Variants in SPOCK3 observed in about 807,000 individuals in gnomAD.
SPOCK3 encodes the protein SPARC (osteonectin), cwcv and kazal like domains proteoglycan 3.
In SPOCK3, 30 loss-of-function variants were observed where a neutral mutation model predicts 56.6. The observed-to-expected ratio is 0.53, with a 90% CI of 0.40 to 0.72. The LOEUF (loss-of-function observed/expected upper bound fraction) is 0.72, where lower values mean the gene tolerates loss of function less well. Among genes scored for constraint, SPOCK3 ranks in the 30% least tolerant of loss-of-function variants. The pLI, the probability that SPOCK3 is intolerant of heterozygous loss-of-function variation, is 0.00. For missense variants in SPOCK3, 527 were observed against 530.0 expected, an observed-to-expected ratio of 0.99 and a Z score of 0.06; for synonymous variants, 196 against 183.3, an observed-to-expected ratio of 1.07 and a Z score of -0.56.
At chr4:167,098,372 A>G (rs1019235075) in intron 2 of SPOCK3, among the ~76,000 whole-genome samples, 1 of 151,772 alleles carries the variant, frequency 6.6e-6, no homozygotes, top group Non-Finnish European at 1.5e-5. Flanking sequence ...TCACTCTCCA[A>G]CAATTTTTCT....
chr4:166,954,106 C>A (rs1362029741), intron 4 of SPOCK3, among the ~76,000 whole-genome samples: 2 of 151,984 alleles, frequency 1.3e-5, no homozygotes, highest in African/African-American at 2.4e-5. Flanking sequence ...AATATCTATT[C>A]AAGTATATTG....
intron 2 of SPOCK3, among the ~76,000 whole-genome samples, chr4:167,144,615 A>G (rs1379110891): frequency 6.6e-6 from 1 of 151,770 alleles, no homozygotes; most frequent in Admixed American, 6.6e-5. Context: ...GATATGGAGA[A>G]GGGAGAAAGT....
intron 2 of SPOCK3, among the ~76,000 whole-genome samples, chr4:167,116,897 TTTTG>T (rs1183221264): frequency 3.5e-4 from 35 of 99,404 alleles, no homozygotes; most frequent in Non-Finnish European, 4.9e-4. Flanking sequence ...ACATATATAC[TTTTG>T]TGTGTGTGTG....
intron 3 of SPOCK3, among the ~76,000 whole-genome samples, chr4:167,014,603 T>G (rs1173701740): frequency 6.6e-6 from 1 of 152,128 alleles, no homozygotes; most frequent in African/African-American, 2.4e-5. Flanking sequence ...TGCAGTGAGC[T>G]ATGATAATAC....
chr4:166,821,761 C>G (rs1318763503), intron 6 of SPOCK3, among the ~76,000 whole-genome samples: 3 of 151,954 alleles, frequency 2.0e-5, no homozygotes, highest in Non-Finnish European at 4.4e-5. Context: ...TTAACAATGT[C>G]TACAAATAAG....
chr4:166,783,137 T>C (rs1013603028), intron 7 of SPOCK3, among the ~76,000 whole-genome samples: 2 of 152,288 alleles, frequency 1.3e-5, no homozygotes, highest in East Asian at 3.9e-4. Context: ...GGTGAGTGCA[T>C]CACTTGAGGT....
At chr4:166,940,352 C>T (rs897412379) in intron 4 of SPOCK3, among the ~76,000 whole-genome samples, 6 of 152,028 alleles carry the variant, frequency 3.9e-5, no homozygotes, top group African/African-American at 7.2e-5. Context: ...TACCGAAGTC[C>T]GCGACAGAGA....
chr4:166,874,570 G>A (rs1732882005), intron 6 of SPOCK3, among the ~76,000 whole-genome samples: 1 of 152,166 alleles, frequency 6.6e-6, no homozygotes, highest in African/African-American at 2.4e-5. Flanking sequence ...GCATGTAATT[G>A]CTAATCTCCT....
chr4:166,768,190 T>C (rs1227289560), intron 7 of SPOCK3, among the ~76,000 whole-genome samples: 1 of 152,166 alleles, frequency 6.6e-6, no homozygotes, highest in Non-Finnish European at 1.5e-5. Context: ...CCATTTACTT[T>C]TAAGATTAAT....
At chr4:167,155,736 G>C (rs1255429782) in intron 2 of SPOCK3, among the ~76,000 whole-genome samples, 2 of 152,030 alleles carry the variant, frequency 1.3e-5, no homozygotes, top group Admixed American at 6.6e-5. Flanking sequence ...AAATAGCAGG[G>C]AGAAAAATAT....
At chr4:166,840,020 T>C (rs1377132797) in intron 6 of SPOCK3, among the ~76,000 whole-genome samples, 1 of 152,262 alleles carries the variant, frequency 6.6e-6, no homozygotes, top group Admixed American at 6.5e-5. Flanking sequence ...TTGCTAACTA[T>C]CACAAGAACT....
chr4:166,847,647 T>TTATA (rs147015731), intron 6 of SPOCK3, among the ~76,000 whole-genome samples: 3,454 of 55,156 alleles, frequency 0.063, 258 homozygotes, highest in Middle Eastern at 0.1. Flanking sequence ...AAATCCTAGT[T>TTATA]TATATATATA....
chr4:166,841,117 G>C (rs1029987880), intron 6 of SPOCK3, among the ~76,000 whole-genome samples: 1 of 151,900 alleles, frequency 6.6e-6, no homozygotes, highest in Non-Finnish European at 1.5e-5. Flanking sequence ...GTGATTCTTT[G>C]AGAGGAAAGA....
At chr4:167,208,720 T>A (rs1734585569) in intron 2 of SPOCK3, among the ~76,000 whole-genome samples, 1 of 152,136 alleles carries the variant, frequency 6.6e-6, no homozygotes. Flanking sequence ...TACATGTAGA[T>A]CTGCTAAAAA....
In SPOCK3 at chr4:167,233,968, G is replaced by A; in HGVS notation, c.189+17C>T. On this transcript the variant is annotated intron_variant, in intron 2 of 10. Coordinates refer to ENST00000357545, the MANE Select transcript of SPOCK3 (RefSeq NM_001040159.2). The stretch of plus-strand genomic sequence containing the variant: ...AGCGCGCGCGTGTGCCCGGGGATGT[G>A]GGTGCGCGGAACTTACGTCTCGGAA... 1 of 1,606,994 alleles carries A rather than the reference G, an allele frequency of 6.2e-7. No individual in the cohort carries two copies. Among genetic ancestry groups the A allele is most frequent in the African/African-American group, 1.3e-5 (1 of 74,912 alleles).
chr4:167,097,992 G>A (rs2150319757), intron 2 of SPOCK3, among the ~76,000 whole-genome samples: 1 of 152,018 alleles, frequency 6.6e-6, no homozygotes, highest in South Asian at 2.1e-4. Flanking sequence ...TAGTGTGCTT[G>A]TGTCTCTGGC....
At chr4:167,069,227 C>T (rs937053168) in intron 2 of SPOCK3, among the ~76,000 whole-genome samples, 9 of 151,888 alleles carry the variant, frequency 5.9e-5, no homozygotes, top group African/African-American at 2.2e-4. Context: ...AGGACATTCT[C>T]GTGCTAGTTC....
chr4:166,784,573 ATCT>A (rs1175759015), intron 7 of SPOCK3, among the ~76,000 whole-genome samples: 1 of 152,102 alleles, frequency 6.6e-6, no homozygotes, highest in Non-Finnish European at 1.5e-5. Flanking sequence ...AATTTATCTA[ATCT>A]TCTCAAATAT....
intron 2 of SPOCK3, among the ~76,000 whole-genome samples, chr4:167,095,044 T>A (rs1421637953): frequency 6.6e-6 from 1 of 152,090 alleles, no homozygotes; most frequent in East Asian, 1.9e-4. Context: ...GAGGAAGGCA[T>A]TCTTTCTTAC....
Sources: gnomAD v4.1 joint callset for allele counts (sites outside exome capture counted in the v4.1 genomes callset) on GRCh38, gnomAD v4.1.1 for gene constraint, MANE v1.5 for transcripts, NCBI Gene and HGNC (gene_info 2026-07-23, HGNC 2026-07-21) for gene names.